The following ACSL6 variants were observed in gnomAD, a reference collection of about 807,000 sequenced individuals.
ACSL6 encodes acyl-CoA synthetase long chain family member 6.
ACSL6 carries 47 observed loss-of-function variants against 98.2 expected under a neutral mutation model. The ratio of observed to expected loss-of-function variants is 0.48; its 90% CI spans 0.38 to 0.61. The LOEUF (loss-of-function observed/expected upper bound fraction) is 0.61, where lower values mean the gene tolerates loss of function less well. Among genes scored for constraint, ACSL6 ranks in the 20% least tolerant of loss-of-function variants. ACSL6 has a pLI of 0.00. For synonymous variants in ACSL6, 362 were observed against 336.9 expected (o/e 1.07, Z -0.82); for missense variants, 761 against 913.4 (o/e 0.83, Z 2.15).
chr5:131,990,337 G>T (rs1754437701), intron 3 of ACSL6, among the ~76,000 whole-genome samples, 173 bp from the exon 4 acceptor site: 1 of 152,188 alleles, frequency 6.6e-6, no homozygotes, highest in African/African-American at 2.4e-5. Context: ...GCCCAAGAGG[G>T]CCTAAAGCAC....
intron 1 of ACSL6, chr5:131,999,652 G>A (rs1449980434): frequency 2.6e-5 from 4 of 152,326 alleles, no homozygotes; most frequent in African/African-American, 4.8e-5. Flanking sequence ...AGGCTCCCTG[G>A]TGGCTGTGGG....
Position 131,952,034 on chromosome 5 carries a change from G to A in ACSL6, c.*2200C>T. 5.6e-6 allele frequency: 1 copy of A among 179,122 alleles called. No individual in the cohort carries two copies. Among genetic ancestry groups the A allele is most frequent in the Non-Finnish European group, 1.2e-5 (1 of 83,568 alleles). 11.1% of individuals were successfully genotyped at this position (179,122 alleles called of 1,614,324 possible). A position where few individuals can be genotyped will look rare whatever the true frequency, so the allele number is the denominator to read the frequency against. ...AAAGCCAACTATGAATTTTAGTTGA[G>A]TAGGAGGACAATGGGAAACAGATTC... On this transcript the variant is annotated 3_prime_UTR_variant, in exon 21 of 21. Coordinates refer to ENST00000651883, the MANE Select transcript of ACSL6 (RefSeq NM_001009185.3).
intron 1 of ACSL6, 32 bp from the exon 2 acceptor site, chr5:131,994,283 G>C: frequency 6.4e-7 from 1 of 1,564,384 alleles, no homozygotes; most frequent in Non-Finnish European, 8.7e-7. Flanking sequence ...TAAGGCAAGA[G>C]ACCTGACGGG....
chr5:131,954,737 C>G (rs181492757), intron 20 of ACSL6, among the ~76,000 whole-genome samples: 65 of 152,166 alleles, frequency 4.3e-4, no homozygotes, highest in Admixed American at 1.4e-3. Flanking sequence ...TAAAGGGCAC[C>G]CATCTCAGGC....
intron 16 of ACSL6, among the ~76,000 whole-genome samples, chr5:131,967,668 T>TTAATAATAA (rs3043871): frequency 0.023 from 3,360 of 144,072 alleles, 63 homozygotes; most frequent in South Asian, 0.058. Flanking sequence ...CCGTCTCAAA[T>TTAATAATAA]TAATAATAAT....
At chr5:131,978,239 G>A (rs1256122686) in intron 9 of ACSL6, among the ~76,000 whole-genome samples, 1 of 152,186 alleles carries the variant, frequency 6.6e-6, no homozygotes, top group Non-Finnish European at 1.5e-5. Context: ...TCGCCCATGA[G>A]GGGAGACAAT....
chr5:131,952,943 C>A lies in ACSL6; in HGVS notation c.*1291G>T. 4.7e-6 allele frequency: 1 copy of A among 212,668 alleles called. No individual in the cohort carries two copies. 13.2% of individuals were successfully genotyped at this position (212,668 alleles called of 1,614,324 possible). On this transcript the variant is annotated 3_prime_UTR_variant, in exon 21 of 21. Transcript: ENST00000651883. ...CCTTCCCACCTTCTGCCTTGATATT[C>A]TTACTGGAAAAAAAGTGAAATTGTT...
intron 2 of ACSL6, among the ~76,000 whole-genome samples, chr5:131,991,662 G>C (rs1754521503): frequency 6.6e-6 from 1 of 152,078 alleles, no homozygotes; most frequent in African/African-American, 2.4e-5. Flanking sequence ...TGAGGAGCCA[G>C]CCTTCTCCTG....
At chr5:131,972,576 A>G in intron 13 of ACSL6, 148 bp downstream of exon 13, 1 of 1,030,046 alleles carries the variant, frequency 9.7e-7, no homozygotes, top group Non-Finnish European at 1.4e-6. Flanking sequence ...TTAAAATTTC[A>G]ATCATAGCTT....
Position 131,975,270 on chromosome 5 carries a change from A to C in ACSL6, c.991-300T>G, listed in dbSNP as rs1313425604. The C allele has an allele frequency of 4.0e-6, 5 of 1,240,034 alleles. No individual in the cohort carries two copies. In the East Asian group the frequency reaches 2.0e-4, roughly 49 times the overall value. 76.8% of individuals were successfully genotyped at this position (1,240,034 alleles called of 1,614,324 possible). Reference sequence around the variant, plus strand: ...GGTTATCTGCAGAAGCAAAGAGCCAAATGAAGCACACAGAAACCAGCAGAG... The same window carrying C: ...GGTTATCTGCAGAAGCAAAGAGCCACATGAAGCACACAGAAACCAGCAGAG... On this transcript the variant is annotated intron_variant, in intron 10 of 20. Coordinates refer to ENST00000651883, the MANE Select transcript of ACSL6 (RefSeq NM_001009185.3).
chr5:131,969,388 A>G (rs1250486126), intron 15 of ACSL6, among the ~76,000 whole-genome samples: 1 of 152,098 alleles, frequency 6.6e-6, no homozygotes, highest in Non-Finnish European at 1.5e-5. Context: ...TATTTTGTAA[A>G]TAAGTTATTT....
chr5:131,967,668 TTAATAATAATAATAA>T (rs3043871), intron 16 of ACSL6, among the ~76,000 whole-genome samples: 1 of 144,128 alleles, frequency 6.9e-6, no homozygotes, highest in Non-Finnish European at 1.5e-5. Context: ...CCGTCTCAAA[TTAATAATAATAATAA>T]TAATAATAAT....
rs754595788 is a variant in ACSL6, at chr5:131,990,145, A to G, written c.405T>C (p.Gly135=). 7 of 1,614,064 alleles carry G rather than the reference A, an allele frequency of 4.3e-6. No homozygotes were observed. Among genetic ancestry groups the G allele is most frequent in the Non-Finnish European group, 5.9e-6 (7 of 1,179,982 alleles). ...GGTAAGGCTGCTTAGGCTTCCTGAA[A>G]CCAAGACAGGGCCCATTCCCTGTAG... ...LSISGNGPCL[G]FRKPKQPYQW... Residue 135 remains glycine, a synonymous_variant, in exon 4 of 21, where the codon GGT becomes GGC. Transcript: ENST00000651883.
At chr5:131,982,298 T>A (rs1039723002) in intron 9 of ACSL6, 1 of 150,140 alleles carries the variant, frequency 6.7e-6, no homozygotes, top group African/African-American at 2.5e-5. Flanking sequence ...CGCCCGCCAC[T>A]ACGCCCGGCT....
In ACSL6 at chr5:131,990,956, C is replaced by T; in HGVS notation, c.282G>A (p.Gly94=). 6.2e-7 allele frequency: 1 copy of T among 1,613,958 alleles called. No homozygotes were observed. The highest frequency in any genetic ancestry group is 2.2e-5 in the East Asian group (1 of 44,880). Reference sequence around the variant, plus strand: ...CAGACCCAATCACAGATCGCCGTGCCCCGCCACTGTCCTACAAGCCAAGCA... The same window carrying T: ...CAGACCCAATCACAGATCGCCGTGCTCCGCCACTGTCCTACAAGCCAAGCA... The part of the protein sequence containing the change: ...MQSEEVEDSG[G]ARRSVIGSGP... Residue 94 remains glycine, a synonymous_variant, in exon 3 of 21, where the codon GGG becomes GGA. Coordinates refer to ENST00000651883, the MANE Select transcript of ACSL6 (RefSeq NM_001009185.3).
chr5:131,974,696 G>C (rs1459889966), intron 11 of ACSL6, 197 bp downstream of exon 11: 4 of 1,545,840 alleles, frequency 2.6e-6, no homozygotes, highest in Non-Finnish European at 3.5e-6. Context: ...AGTGACAAGT[G>C]ACACCCGCTA....
chr5:131,961,181 C>T (rs1006670513), intron 18 of ACSL6, among the ~76,000 whole-genome samples: 2 of 151,930 alleles, frequency 1.3e-5, no homozygotes, highest in African/African-American at 4.8e-5. Context: ...CATGCCACCA[C>T]ATGTAGCTAA....
chr5:131,960,575 G>C lies in ACSL6; in HGVS notation c.1904C>G (p.Ser635Cys), dbSNP rs1752655318. The change falls in exon 19 of 21, where the codon TCC becomes TGC. Residue 635 changes from serine (S) to cysteine (C), a missense_variant. Physicochemically the swap from Ser to Cys is moderately radical, Grantham distance 112. Coordinates refer to ENST00000651883, the MANE Select transcript of ACSL6 (RefSeq NM_001009185.3). ...IVVPDPEVMP[S>C]WAQKRGIEGT... The stretch of plus-strand genomic sequence containing the variant: ...TTCAATTCCTCTCTTCTGGGCCCAG[G>C]AGGGCATAACTTCAGGGTCAGGCAC... 3 of 1,613,972 alleles carry C rather than the reference G, an allele frequency of 1.9e-6. No homozygotes were observed. Among genetic ancestry groups the C allele is most frequent in the African/African-American group, 1.3e-5 (1 of 74,898 alleles).
chr5:131,972,681 G>T (rs1378199235), intron 13 of ACSL6, 43 bp downstream of exon 13: 2 of 1,608,096 alleles, frequency 1.2e-6, no homozygotes, highest in South Asian at 1.1e-5. Context: ...TCACCCGTTG[G>T]ATACTTAGGT....
Sources: allele counts gnomAD v4.1 joint callset (sites outside exome capture counted in the v4.1 genomes callset), GRCh38; gene constraint gnomAD v4.1.1; transcripts MANE v1.5; gene names NCBI Gene and HGNC (gene_info 2026-07-23, HGNC 2026-07-21).